ARFIP1: variants seen among roughly 807,000 people sequenced by gnomAD.
ARFIP1 encodes the protein ARF interacting protein 1.
In ARFIP1, 24 loss-of-function variants were observed where a neutral mutation model predicts 42.5. That is an observed-to-expected ratio of 0.57 (90% CI 0.41 to 0.80). The LOEUF is 0.80. Among genes scored for constraint, ARFIP1 ranks in the 30% least tolerant of loss-of-function variants. ARFIP1 has a pLI of 0.00. For synonymous variants in ARFIP1, 141 were observed against 153.7 expected, an observed-to-expected ratio of 0.92 and a Z score of 0.61; for missense variants, 354 against 434.0, an observed-to-expected ratio of 0.82 and a Z score of 1.64.
intron 8 of ARFIP1, among the ~76,000 whole-genome samples, chr4:152,889,370 C>T (rs928987613): frequency 8.0e-5 from 12 of 150,640 alleles, no homozygotes; most frequent in Admixed American, 7.3e-4. Context: ...CACCAGAAAA[C>T]ATTATAGTGG....
intron 1 of ARFIP1, among the ~76,000 whole-genome samples, chr4:152,828,975 A>G (rs1731054403): frequency 6.6e-6 from 1 of 152,216 alleles, no homozygotes; most frequent in Admixed American, 6.5e-5. Context: ...ATTGTGGAAA[A>G]TACAGTCTTT....
At chr4:152,909,081 A>G (rs941588653) in intron 8 of ARFIP1, among the ~76,000 whole-genome samples, 1 of 152,168 alleles carries the variant, frequency 6.6e-6, no homozygotes, top group African/African-American at 2.4e-5. Context: ...AACATTTTGC[A>G]GTTGTAAATA....
chr4:152,848,950 G>C (rs1732773216), intron 2 of ARFIP1, among the ~76,000 whole-genome samples: 1 of 152,052 alleles, frequency 6.6e-6, no homozygotes, highest in Non-Finnish European at 1.5e-5. Context: ...ATTTGATGGG[G>C]GCTTTTTCAG....
chr4:152,879,246 G>A (rs1015325964), intron 5 of ARFIP1, among the ~76,000 whole-genome samples: 5 of 151,958 alleles, frequency 3.3e-5, no homozygotes, highest in Middle Eastern at 6.9e-3. Context: ...TTGGGAAGTA[G>A]AAAAATATAT....
intron 1 of ARFIP1, among the ~76,000 whole-genome samples, chr4:152,827,336 G>A (rs1730916536): frequency 6.6e-6 from 1 of 152,164 alleles, no homozygotes; most frequent in Non-Finnish European, 1.5e-5. Flanking sequence ...TGTACTGCCT[G>A]TTCCCATACA....
chr4:152,900,393 TTTG>T (rs528258362), intron 8 of ARFIP1, among the ~76,000 whole-genome samples: 123 of 152,316 alleles, frequency 8.1e-4, no homozygotes, highest in African/African-American at 2.9e-3. Context: ...AACTCTGCCT[TTTG>T]TTTTTCCTTC....
At chr4:152,826,130 C>G (rs1350515723) in intron 1 of ARFIP1, among the ~76,000 whole-genome samples, 1 of 152,146 alleles carries the variant, frequency 6.6e-6, no homozygotes, top group African/African-American at 2.4e-5. Flanking sequence ...TACTGGGTAT[C>G]TACCCAAAGG....
chr4:152,809,320 A>G (rs1391395982), intron 1 of ARFIP1, among the ~76,000 whole-genome samples: 1 of 152,186 alleles, frequency 6.6e-6, no homozygotes, highest in African/African-American at 2.4e-5. Context: ...TAGCAGCTTT[A>G]CTTACGAGAG....
At chr4:152,895,338 C>T (rs1457671323) in intron 8 of ARFIP1, among the ~76,000 whole-genome samples, 1 of 152,062 alleles carries the variant, frequency 6.6e-6, no homozygotes, top group Non-Finnish European at 1.5e-5. Flanking sequence ...GCACCTTTCA[C>T]ATTTTATTCC....
intron 5 of ARFIP1, among the ~76,000 whole-genome samples, chr4:152,874,949 G>C (rs1433230257): frequency 6.6e-6 from 1 of 152,092 alleles, no homozygotes; most frequent in Non-Finnish European, 1.5e-5. Context: ...CAGGTGTTGA[G>C]CCACCAAGCC....
intron 8 of ARFIP1, among the ~76,000 whole-genome samples, chr4:152,905,341 T>G (rs1475204579): frequency 1.3e-5 from 2 of 152,096 alleles, no homozygotes; most frequent in Non-Finnish European, 2.9e-5. Flanking sequence ...AGCATCCTGG[T>G]CAGTAAGGAG....
chr4:152,792,690 G>C (rs141674253), intron 1 of ARFIP1, among the ~76,000 whole-genome samples: 1 of 152,198 alleles, frequency 6.6e-6, no homozygotes, highest in African/African-American at 2.4e-5. Context: ...TCTTTCCTGG[G>C]TGCTAAGAAG....
chr4:152,893,299 C>T (rs1737017060), intron 8 of ARFIP1, among the ~76,000 whole-genome samples: 1 of 144,092 alleles, frequency 6.9e-6, no homozygotes, highest in Non-Finnish European at 1.6e-5. Flanking sequence ...TTCATGAGGC[C>T]AAAGCATAGT....
intron 1 of ARFIP1, among the ~76,000 whole-genome samples, chr4:152,787,231 T>A (rs1730862800): frequency 6.6e-6 from 1 of 152,228 alleles, no homozygotes; most frequent in Non-Finnish European, 1.5e-5. Flanking sequence ...AGAATTTGAA[T>A]ATGAATTTTT....
chr4:152,853,905 CTTTTTTTTTT>C (rs36055484), intron 2 of ARFIP1, among the ~76,000 whole-genome samples: 9 of 74,740 alleles, frequency 1.2e-4, no homozygotes, highest in Non-Finnish European at 1.7e-4. Flanking sequence ...TTCTGAGATT[CTTTTTTTTTT>C]TTTTTTTTTT....
At chr4:152,872,795 A>G (rs1053363851) in intron 5 of ARFIP1, among the ~76,000 whole-genome samples, 6 of 152,206 alleles carry the variant, frequency 3.9e-5, no homozygotes, top group African/African-American at 1.2e-4. Context: ...TTATTAACCG[A>G]TAATGTACAT....
At chr4:152,844,158 C>CA (rs1412550521) in intron 2 of ARFIP1, among the ~76,000 whole-genome samples, 1 of 152,190 alleles carries the variant, frequency 6.6e-6, no homozygotes, top group Non-Finnish European at 1.5e-5. Context: ...TAGGTAAAAT[C>CA]AGAAACTTCT....
intron 1 of ARFIP1, among the ~76,000 whole-genome samples, chr4:152,819,744 G>A (rs1253443635): frequency 2.0e-5 from 3 of 152,172 alleles, no homozygotes; most frequent in South Asian, 2.1e-4. Flanking sequence ...GCAGTTCTGG[G>A]CTTGGTAGAC....
chr4:152,877,910 C>G (rs1735503519), intron 5 of ARFIP1, among the ~76,000 whole-genome samples: 1 of 152,126 alleles, frequency 6.6e-6, no homozygotes, highest in African/African-American at 2.4e-5. Flanking sequence ...CTGAGGCCTC[C>G]CAGCCATGTG....
Sources: allele counts gnomAD v4.1 joint callset (sites outside exome capture counted in the v4.1 genomes callset), GRCh38; gene constraint gnomAD v4.1.1; transcripts MANE v1.5; gene names NCBI Gene and HGNC (gene_info 2026-07-23, HGNC 2026-07-21).